The following SPATA13 variants were observed in gnomAD, a reference collection of about 807,000 sequenced individuals.
The protein encoded by SPATA13 is spermatogenesis associated 13.
SPATA13 carries 50 observed loss-of-function variants against 104.0 expected under a neutral mutation model. That is an observed-to-expected ratio of 0.48 (90% CI 0.38 to 0.61). The LOEUF is 0.61. SPATA13 is among the 20% of genes least tolerant of loss of function. The probability of loss-of-function intolerance (pLI) is 0.00; values close to 1 mark genes in which losing one functional copy is unlikely to be tolerated. For synonymous variants in SPATA13, 606 were observed against 667.5 expected (o/e 0.91, Z 1.42); for missense variants, 1,524 against 1,690.6 (o/e 0.90, Z 1.73).
intron 3 of SPATA13, among the ~76,000 whole-genome samples, chr13:24,029,472 T>C (rs1249823618): frequency 6.6e-6 from 1 of 152,212 alleles, no homozygotes; most frequent in Non-Finnish European, 1.5e-5. Flanking sequence ...GAATGTTCAG[T>C]TAAATTTGAA....
At chr13:24,006,828 CTA>C in intron 2 of SPATA13, among the ~76,000 whole-genome samples, 1 of 152,318 alleles carries the variant, frequency 6.6e-6, no homozygotes, top group East Asian at 1.9e-4. Context: ...GGATTTTACT[CTA>C]AGAGCGCAGG....
intron 1 of SPATA13, among the ~76,000 whole-genome samples, chr13:24,163,831 C>A (rs1037959073): frequency 3.3e-5 from 5 of 152,212 alleles, no homozygotes; most frequent in Non-Finnish European, 7.3e-5. Context: ...CTGTTTGCTG[C>A]TGGAAGCAAC....
At chr13:24,062,705 G>T (rs1043704019) in intron 3 of SPATA13, among the ~76,000 whole-genome samples, 1 of 152,074 alleles carries the variant, frequency 6.6e-6, no homozygotes, top group African/African-American at 2.4e-5. Context: ...TGAATAAGGG[G>T]TTGTGTGTGT....
chr13:24,277,696 C>T (rs1036783666), intron 4 of SPATA13, among the ~76,000 whole-genome samples: 1 of 152,150 alleles, frequency 6.6e-6, no homozygotes, highest in Non-Finnish European at 1.5e-5. Context: ...AATTGGAAAT[C>T]ACATACTGAG....
chr13:24,018,662 T>TAAC (rs1876825638), intron 3 of SPATA13, among the ~76,000 whole-genome samples: 1 of 152,214 alleles, frequency 6.6e-6, no homozygotes, highest in South Asian at 2.1e-4. Context: ...AGCAGAGGGT[T>TAAC]ACTTATTGAT....
chr13:24,294,664 C>T, intron 9 of SPATA13, 75 bp from the exon 10 acceptor site: 1 of 1,484,610 alleles, frequency 6.7e-7, no homozygotes, highest in South Asian at 1.3e-5. Flanking sequence ...GAAGAAGCGC[C>T]CCAGTGGATT....
intron 4 of SPATA13, among the ~76,000 whole-genome samples, chr13:24,275,138 C>G (rs1227233176): frequency 1.3e-5 from 2 of 152,118 alleles, no homozygotes; most frequent in Non-Finnish European, 2.9e-5. Flanking sequence ...ACATTGTTCT[C>G]TGTAGTAGTT....
chr13:24,260,048 G>A (rs1873979662), intron 4 of SPATA13, among the ~76,000 whole-genome samples: 1 of 152,166 alleles, frequency 6.6e-6, no homozygotes, highest in South Asian at 2.1e-4. Flanking sequence ...ACCAGAGGCT[G>A]GGCAGTTCTG....
At chr13:24,001,188 G>A (rs1195112350) in intron 2 of SPATA13, among the ~76,000 whole-genome samples, 1 of 152,154 alleles carries the variant, frequency 6.6e-6, no homozygotes, top group Non-Finnish European at 1.5e-5. Flanking sequence ...ACATTTTAAG[G>A]TTACAGTAGA....
intron 1 of SPATA13, among the ~76,000 whole-genome samples, chr13:24,196,016 A>G (rs1438921752): frequency 6.6e-6 from 1 of 152,212 alleles, no homozygotes; most frequent in Non-Finnish European, 1.5e-5. Context: ...GTATGGGGAA[A>G]ACTGTAACTT....
At chr13:24,104,482 AT>A (rs1295416773) in intron 3 of SPATA13, among the ~76,000 whole-genome samples, 5 of 152,220 alleles carry the variant, frequency 3.3e-5, no homozygotes, top group Non-Finnish European at 4.4e-5. Flanking sequence ...AAGGGAAAGT[AT>A]TTTGTATATA....
chr13:24,001,262 G>T (rs976849352), intron 2 of SPATA13, among the ~76,000 whole-genome samples: 2 of 152,206 alleles, frequency 1.3e-5, no homozygotes, highest in African/African-American at 4.8e-5. Context: ...CTGAGGTGGA[G>T]GGTGAGCAGG....
intron 3 of SPATA13, among the ~76,000 whole-genome samples, chr13:24,042,666 G>A (rs9511011): frequency 0.48 from 73,059 of 152,142 alleles, 19,364 homozygotes; most frequent in East Asian, 0.64. Flanking sequence ...CTAACTCAAA[G>A]GGGAGAGCTT....
At chr13:24,039,556 G>T (rs2137726840) in intron 3 of SPATA13, among the ~76,000 whole-genome samples, 1 of 152,240 alleles carries the variant, frequency 6.6e-6, no homozygotes, top group South Asian at 2.1e-4. Flanking sequence ...TTCATAAAAG[G>T]GCATTTTTCT....
chr13:24,261,992 T>C (rs1341176203), intron 4 of SPATA13, among the ~76,000 whole-genome samples: 1 of 152,252 alleles, frequency 6.6e-6, no homozygotes, highest in Non-Finnish European at 1.5e-5. Flanking sequence ...TTTGTCTATG[T>C]ATTACCAGTA....
chr13:24,041,625 A>T (rs931182652), intron 3 of SPATA13, among the ~76,000 whole-genome samples: 2 of 152,292 alleles, frequency 1.3e-5, no homozygotes, highest in South Asian at 2.1e-4. Flanking sequence ...TTTTCTTTTC[A>T]TTCTTTTTCT....
chr13:24,122,102 G>C, intron 3 of SPATA13: 1 of 1,611,974 alleles, frequency 6.2e-7, no homozygotes, highest in Non-Finnish European at 8.5e-7. Flanking sequence ...AAAATTGAAA[G>C]AACTTGGCAC....
intron 3 of SPATA13, among the ~76,000 whole-genome samples, chr13:24,089,016 A>G (rs914812546): frequency 1.3e-5 from 2 of 152,348 alleles, no homozygotes; most frequent in East Asian, 3.9e-4. Context: ...GCTGATGAGG[A>G]TGGGACACGT....
At chr13:23,984,295 C>T (rs1473294259) in intron 2 of SPATA13, among the ~76,000 whole-genome samples, 1 of 152,198 alleles carries the variant, frequency 6.6e-6, no homozygotes, top group Non-Finnish European at 1.5e-5. Context: ...CGGTATTCAC[C>T]AGTCATCAGA....
Sources: gnomAD v4.1 joint callset for allele counts (sites outside exome capture counted in the v4.1 genomes callset) on GRCh38, gnomAD v4.1.1 for gene constraint, MANE v1.5 for transcripts, NCBI Gene and HGNC (gene_info 2026-07-23, HGNC 2026-07-21) for gene names.